METTL15: variants seen among roughly 807,000 people sequenced by gnomAD.
The protein encoded by METTL15 is 12S rRNA N(4)-cytidine methyltransferase METTL15.
METTL15 carries 34 observed loss-of-function variants against 38.3 expected under a neutral mutation model. That is an observed-to-expected ratio of 0.89 (90% CI 0.68 to 1.18). The LOEUF (loss-of-function observed/expected upper bound fraction) is 1.18. Among genes scored for constraint, METTL15 ranks in the 50% most tolerant of loss-of-function variants. METTL15 has a pLI of 0.00. For missense variants in METTL15, 438 were observed against 498.4 expected, an observed-to-expected ratio of 0.88 and a Z score of 1.15; for synonymous variants, 162 against 170.9, an observed-to-expected ratio of 0.95 and a Z score of 0.41.
intron 6 of METTL15, among the ~76,000 whole-genome samples, chr11:28,319,472 A>G (rs1849387044): frequency 6.6e-6 from 1 of 151,310 alleles, no homozygotes; most frequent in Non-Finnish European, 1.5e-5. Context: ...TTTTTTTGAG[A>G]AAACTCATAC....
intron 1 of METTL15, among the ~76,000 whole-genome samples, 178 bp from the exon 2 acceptor site, chr11:28,109,988 G>A (rs1033538800): frequency 6.6e-6 from 1 of 152,218 alleles, no homozygotes; most frequent in Non-Finnish European, 1.5e-5. Flanking sequence ...AAAAATTGGA[G>A]TATAACTGCT....
At position 28,160,990 on chromosome 11, in the gene METTL15, A is replaced by C. The variant is rs749806370; in HGVS notation, c.270+47386A>C. ...GTCAGAAATACACACTAAAATATCA[A>C]TATAATATACTAGCTGTAATTGAAA... On this transcript the variant is annotated intron_variant, in intron 3 of 6. Transcript: ENST00000407364. Among the ~76,000 whole-genome samples, 4 of 152,264 alleles carry C rather than the reference A, an allele frequency of 2.6e-5. No homozygotes were observed. In the South Asian group the frequency reaches 6.2e-4, roughly 24 times the overall value.
intron 4 of METTL15, among the ~76,000 whole-genome samples, chr11:28,225,889 A>G (rs1038769526): frequency 2.9e-4 from 44 of 151,790 alleles, no homozygotes; most frequent in African/African-American, 1.0e-3. Flanking sequence ...GTTTTCAGCT[A>G]TTTTCACTTT....
At chr11:28,377,114 T>C (rs1229825801) in intron 5 of METTL15, among the ~76,000 whole-genome samples, 2 of 143,926 alleles carry the variant, frequency 1.4e-5, no homozygotes, top group African/African-American at 5.0e-5. Context: ...ATTTCAACTT[T>C]GGTGAATCTG....
At chr11:28,236,018 GGTT>G (rs1313665897) in intron 4 of METTL15, among the ~76,000 whole-genome samples, 1 of 151,840 alleles carries the variant, frequency 6.6e-6, no homozygotes, top group Non-Finnish European at 1.5e-5. Context: ...TAGCATGAAG[GGTT>G]GTTGAATTTT....
intron 3 of METTL15, among the ~76,000 whole-genome samples, chr11:28,210,164 T>G (rs772285800): frequency 2.0e-5 from 3 of 151,902 alleles, no homozygotes; most frequent in Admixed American, 6.6e-5. Flanking sequence ...AGCCAAGAAA[T>G]AGATTCAGAT....
intron 6 of METTL15, among the ~76,000 whole-genome samples, chr11:28,470,265 T>C (rs1208836363): frequency 6.6e-6 from 1 of 152,158 alleles, no homozygotes; most frequent in Non-Finnish European, 1.5e-5. Flanking sequence ...TATTGGAGAT[T>C]GCTAGTTGTA....
chr11:28,192,730 A>G (rs1851743676), intron 3 of METTL15, among the ~76,000 whole-genome samples: 1 of 152,042 alleles, frequency 6.6e-6, no homozygotes, highest in Non-Finnish European at 1.5e-5. Flanking sequence ...TTTTTAGGGT[A>G]TCTCAATAGT....
At chr11:28,223,623 TA>T (rs1218503649) in intron 4 of METTL15, among the ~76,000 whole-genome samples, 2 of 152,174 alleles carry the variant, frequency 1.3e-5, no homozygotes, top group African/African-American at 4.8e-5. Context: ...AAGTTTCTCT[TA>T]AAAAATCCCA....
At chr11:28,384,934 A>G (rs1294614557) in intron 5 of METTL15, among the ~76,000 whole-genome samples, 1 of 152,164 alleles carries the variant, frequency 6.6e-6, no homozygotes, top group Non-Finnish European at 1.5e-5. Flanking sequence ...GGCCACATAT[A>G]TGTCTTCTTT....
intron 4 of METTL15, among the ~76,000 whole-genome samples, chr11:28,255,323 G>A (rs1590223126): frequency 1.3e-5 from 2 of 151,990 alleles, no homozygotes; most frequent in East Asian, 3.9e-4. Context: ...TGTAGAATGT[G>A]TTTATCAGTA....
At chr11:28,185,064 AG>A (rs1851444747) in intron 3 of METTL15, among the ~76,000 whole-genome samples, 1 of 151,582 alleles carries the variant, frequency 6.6e-6, no homozygotes, top group Non-Finnish European at 1.5e-5. Flanking sequence ...AAAAATTATA[AG>A]GTTACTGTTT....
intron 4 of METTL15, among the ~76,000 whole-genome samples, chr11:28,246,149 G>A (rs943023495): frequency 2.6e-5 from 4 of 152,118 alleles, no homozygotes; most frequent in Admixed American, 2.6e-4. Context: ...ATAGTTAATA[G>A]TAATATATTG....
At chr11:28,387,525 C>A (rs1850453603) in intron 5 of METTL15, among the ~76,000 whole-genome samples, 1 of 151,870 alleles carries the variant, frequency 6.6e-6, no homozygotes, top group South Asian at 2.1e-4. Context: ...AGACCTATAA[C>A]TAGTAGGGAG....
intron 5 of METTL15, among the ~76,000 whole-genome samples, chr11:28,414,156 G>C (rs902296095): frequency 2.0e-5 from 3 of 152,094 alleles, no homozygotes; most frequent in African/African-American, 7.2e-5. Context: ...ACAGTTGTAT[G>C]CTGGAAAGAT....
chr11:28,399,833 A>G (rs1446662575), intron 5 of METTL15, among the ~76,000 whole-genome samples: 1 of 151,972 alleles, frequency 6.6e-6, no homozygotes, highest in Non-Finnish European at 1.5e-5. Flanking sequence ...GTATTTAGTC[A>G]TTCCCAAAGT....
chr11:28,170,602 A>C (rs1850821272), intron 3 of METTL15, among the ~76,000 whole-genome samples: 1 of 152,152 alleles, frequency 6.6e-6, no homozygotes, highest in African/African-American at 2.4e-5. Context: ...TCTGGGAAAG[A>C]GGTGGGCAAT....
At chr11:28,389,493 G>A (rs1022304768) in intron 5 of METTL15, among the ~76,000 whole-genome samples, 1 of 147,676 alleles carries the variant, frequency 6.8e-6, no homozygotes, top group African/African-American at 2.5e-5. Context: ...TTGATTTTTT[G>A]TCCTTGCGAT....
At chr11:28,139,596 G>A (rs868602129) in intron 3 of METTL15, among the ~76,000 whole-genome samples, 1 of 152,116 alleles carries the variant, frequency 6.6e-6, no homozygotes, top group South Asian at 2.1e-4. Flanking sequence ...TGCCATGGAT[G>A]CTAGCATGAC....
Sources: allele counts gnomAD v4.1 joint callset (sites outside exome capture counted in the v4.1 genomes callset), GRCh38; gene constraint gnomAD v4.1.1; transcripts MANE v1.5; gene names NCBI Gene and HGNC (gene_info 2026-07-23, HGNC 2026-07-21).